Variants in AGBL1 observed in about 807,000 individuals in gnomAD.
AGBL1 encodes AGBL carboxypeptidase 1.
A neutral mutation model predicts 118.9 loss-of-function variants in AGBL1; 130 were observed. The observed-to-expected ratio is 1.09, with a 90% confidence interval of 0.95 to 1.26. The LOEUF (loss-of-function observed/expected upper bound fraction) is 1.26. AGBL1 is among the 50% of genes most tolerant of loss of function. The pLI, the probability that AGBL1 is intolerant of heterozygous loss-of-function variation, is 0.00. For synonymous variants in AGBL1, 555 were observed against 478.9 expected, an observed-to-expected ratio of 1.16 and a Z score of -2.08; for missense variants, 1,584 against 1,298.1, an observed-to-expected ratio of 1.22 and a Z score of -3.38.
At chr15:86,449,375 T>C (rs7164567) in intron 18 of AGBL1, among the ~76,000 whole-genome samples, 1 of 152,218 alleles carries the variant, frequency 6.6e-6, no homozygotes, top group Non-Finnish European at 1.5e-5. Flanking sequence ...TCATACTGGC[T>C]GTCTTTCAAG....
chr15:86,986,631 A>C (rs1420363028), intron 23 of AGBL1, among the ~76,000 whole-genome samples: 2 of 152,292 alleles, frequency 1.3e-5, no homozygotes, highest in South Asian at 2.1e-4. Context: ...GGTTGTGTCG[A>C]ATCTATAGAT....
At chr15:86,392,632 A>G (rs2081305349) in intron 17 of AGBL1, among the ~76,000 whole-genome samples, 2 of 152,160 alleles carry the variant, frequency 1.3e-5, no homozygotes, top group African/African-American at 4.8e-5. Flanking sequence ...ATCATCACAC[A>G]TGTCTTCAGT....
rs983202674 is a variant in AGBL1 at position 86,914,856 on chromosome 15, T to C, written c.*7562T>C. The C allele has an allele frequency of 2.6e-5, 4 of 152,200 alleles. No individual in the cohort carries two copies. Among genetic ancestry groups the C allele is most frequent in the African/African-American group, 9.6e-5 (4 of 41,452 alleles). The allele number at this position is 152,200 out of a possible 1,614,324, so 9.4% of individuals were successfully genotyped here. A position where few individuals can be genotyped will look rare whatever the true frequency, so the allele number is the denominator to read the frequency against. On this transcript the variant is annotated 3_prime_UTR_variant, in exon 23 of 23. Coordinates refer to ENST00000614907, the MANE Select transcript of AGBL1 (RefSeq NM_001386094.1). ...TTTCTAGGAAAGTGTGTTGTTCTTG[T>C]AGATCCTTGACTCAAATACAAGTAA...
At chr15:86,866,292 A>G (rs1466121199) in intron 22 of AGBL1, among the ~76,000 whole-genome samples, 1 of 152,224 alleles carries the variant, frequency 6.6e-6, no homozygotes, top group Non-Finnish European at 1.5e-5. Context: ...CCATTTCCTC[A>G]GGTACTATTC....
chr15:86,340,946 C>G (rs937395632), intron 17 of AGBL1, among the ~76,000 whole-genome samples: 1 of 152,124 alleles, frequency 6.6e-6, no homozygotes, highest in Non-Finnish European at 1.5e-5. Flanking sequence ...CTTCTGACAC[C>G]TCATTATTAC....
At chr15:86,497,758 C>A (rs2082871290) in intron 18 of AGBL1, among the ~76,000 whole-genome samples, 1 of 152,040 alleles carries the variant, frequency 6.6e-6, no homozygotes, top group Middle Eastern at 3.4e-3. Flanking sequence ...TTCTGTAAGT[C>A]TCACATTCAG....
At chr15:86,452,466 A>G (rs569189739) in intron 18 of AGBL1, among the ~76,000 whole-genome samples, 2 of 152,236 alleles carry the variant, frequency 1.3e-5, no homozygotes, top group South Asian at 2.1e-4. Context: ...CCCTGTCTCA[A>G]TTACACCAGG....
intron 22 of AGBL1, among the ~76,000 whole-genome samples, chr15:86,855,541 A>T (rs1422758097): frequency 6.6e-6 from 1 of 152,204 alleles, no homozygotes; most frequent in Non-Finnish European, 1.5e-5. Flanking sequence ...TCCTCCTATC[A>T]GGCAGATTTC....
chr15:86,582,452 G>C (rs1365094161), intron 21 of AGBL1, among the ~76,000 whole-genome samples: 1 of 152,104 alleles, frequency 6.6e-6, no homozygotes, highest in Non-Finnish European at 1.5e-5. Flanking sequence ...AAGTCGGTGT[G>C]GTGATTCCTC....
chr15:86,372,123 C>T (rs4887442), intron 17 of AGBL1, among the ~76,000 whole-genome samples: 6,864 of 152,282 alleles, frequency 0.045, 188 homozygotes, highest in South Asian at 0.075. Flanking sequence ...TAGGACAGAC[C>T]CTTGCCTTCA....
intron 21 of AGBL1, among the ~76,000 whole-genome samples, chr15:86,656,020 A>G (rs879749995): frequency 6.6e-6 from 1 of 152,200 alleles, no homozygotes; most frequent in Non-Finnish European, 1.5e-5. Context: ...GATGCTATCA[A>G]TTAAGTGAAA....
At chr15:86,159,066 A>G in intron 5 of AGBL1, 40 bp downstream of exon 5, 1 of 1,540,310 alleles carries the variant, frequency 6.5e-7, no homozygotes, top group East Asian at 2.3e-5. Context: ...CTTTTGTAAC[A>G]GATGGAGAGA....
chr15:86,158,248 G>A (rs1766885765), intron 4 of AGBL1, among the ~76,000 whole-genome samples: 1 of 152,212 alleles, frequency 6.6e-6, no homozygotes, highest in South Asian at 2.1e-4. Flanking sequence ...AGATGAGGAA[G>A]CTTCAGATTT....
intron 1 of AGBL1, among the ~76,000 whole-genome samples, chr15:86,105,829 C>A (rs1461661813): frequency 6.6e-6 from 1 of 152,200 alleles, no homozygotes; most frequent in Non-Finnish European, 1.5e-5. Flanking sequence ...GGTGTACAGA[C>A]TTTGTGGTCA....
At chr15:87,015,796 A>G (rs1167873022) in intron 24 of AGBL1, among the ~76,000 whole-genome samples, 1 of 152,204 alleles carries the variant, frequency 6.6e-6, no homozygotes, top group Non-Finnish European at 1.5e-5. Flanking sequence ...CTTGAAAACT[A>G]AAACATTAGG....
intron 17 of AGBL1, among the ~76,000 whole-genome samples, chr15:86,348,977 A>G (rs1249884018): frequency 6.6e-6 from 1 of 152,176 alleles, no homozygotes; most frequent in Admixed American, 6.5e-5. Context: ...GCCCAAATCC[A>G]AAGACTGTTG....
rs117059009 is a variant in AGBL1, at chr15:86,088,531, G to T, written c.51+8508G>T. On this transcript the variant is annotated intron_variant, in intron 1 of 22. Transcript: ENST00000614907. ...TATTTCATCAGCATTTATGTGTGAT[G>T]GGGGACTATTATGCAGATAATGGTC... Among the ~76,000 whole-genome samples, 132 of 152,258 alleles carry T rather than the reference G, an allele frequency of 8.7e-4. No individual in the cohort carries two copies. The East Asian group carries it at 0.015, about 18-fold the overall frequency.
chr15:86,312,864 T>C (rs1402738769), intron 17 of AGBL1, among the ~76,000 whole-genome samples: 9 of 152,194 alleles, frequency 5.9e-5, no homozygotes, highest in African/African-American at 1.7e-4. Flanking sequence ...GGCAGGATCA[T>C]TGGGCTGAAA....
intron 22 of AGBL1, among the ~76,000 whole-genome samples, chr15:86,881,014 C>G (rs558511451): frequency 2.6e-5 from 4 of 152,210 alleles, no homozygotes; most frequent in Admixed American, 6.5e-5. Flanking sequence ...AGTGCTAGCT[C>G]AGTGTCTGCA....
Sources: allele counts gnomAD v4.1 joint callset (sites outside exome capture counted in the v4.1 genomes callset), GRCh38; gene constraint gnomAD v4.1.1; transcripts MANE v1.5; gene names NCBI Gene and HGNC (gene_info 2026-07-23, HGNC 2026-07-21).